Variants in ZNF169 observed in about 807,000 individuals in gnomAD.
ZNF169 encodes zinc finger protein 169.
Under a neutral mutation model 12.0 loss-of-function variants are expected in ZNF169, and 11 were observed. The observed-to-expected ratio is 0.92, with a 90% CI of 0.58 to 1.52. The LOEUF (loss-of-function observed/expected upper bound fraction) is 1.52, where lower values mean the gene tolerates loss of function less well. Ranked by LOEUF, ZNF169 falls within the 40% of genes most tolerant of loss-of-function variation. ZNF169 has a pLI of 0.00. For missense variants in ZNF169, 722 were observed against 744.0 expected (o/e 0.97, Z 0.34); for synonymous variants, 302 against 286.5 (o/e 1.05, Z -0.55).
intron 4 of ZNF169, 73 bp from the exon 5 acceptor site, chr9:94,299,742 A>G: frequency 6.5e-7 from 1 of 1,529,640 alleles, no homozygotes; most frequent in Admixed American, 2.2e-5. Flanking sequence ...GAACATCTGA[A>G]GAAAACTGCT....
chr9:94,289,600 G>A (rs536725760), intron 2 of ZNF169, among the ~76,000 whole-genome samples: 3 of 152,122 alleles, frequency 2.0e-5, no homozygotes, highest in Non-Finnish European at 4.4e-5. Context: ...GACCAGCCTG[G>A]CCAACATGAC....
At chr9:94,276,390 G>A (rs1034433466) in intron 1 of ZNF169, among the ~76,000 whole-genome samples, 4 of 151,662 alleles carry the variant, frequency 2.6e-5, no homozygotes, top group African/African-American at 7.3e-5. Context: ...CTCAGCCTCC[G>A]GAGTAGCTGG....
intron 1 of ZNF169, among the ~76,000 whole-genome samples, chr9:94,272,764 T>C (rs1830445742): frequency 6.6e-6 from 1 of 152,204 alleles, no homozygotes; most frequent in Non-Finnish European, 1.5e-5. Flanking sequence ...GGTAGTTCTA[T>C]TTTTAATTTT....
chr9:94,275,666 C>T (rs907550820), intron 1 of ZNF169, among the ~76,000 whole-genome samples: 1 of 152,048 alleles, frequency 6.6e-6, no homozygotes, highest in African/African-American at 2.4e-5. Context: ...TTTTCATTAT[C>T]TTATCAGTGA....
In ZNF169 at chr9:94,301,507, T is replaced by C; in HGVS notation, c.*137T>C. 1 of 1,424,910 alleles carries C rather than the reference T, an allele frequency of 7.0e-7. No individual in the cohort carries two copies. The highest frequency in any genetic ancestry group is 9.2e-7 in the Non-Finnish European group (1 of 1,084,238). The allele number at this position is 1,424,910 out of a possible 1,614,324, so 88.3% of individuals were successfully genotyped here. A position where few individuals can be genotyped will look rare whatever the true frequency, so the allele number is the denominator to read the frequency against. On this transcript the variant is annotated 3_prime_UTR_variant, in exon 5 of 5. Coordinates refer to ENST00000395395, the MANE Select transcript of ZNF169 (RefSeq NM_194320.4). The stretch of plus-strand genomic sequence containing the variant: ...TAGTTGATTTTTGGTTTACTTTCTA[T>C]ATTCACAATTTGTCTTGGCTTGCTA...
rs201714935 is a variant in ZNF169, at chr9:94,298,582, CA to C, written c.257-1229del. 7.8e-3 allele frequency among the ~76,000 whole-genome samples: 1,191 copies of C among 152,040 alleles called. 18 individuals carry two copies. The highest frequency in any genetic ancestry group is 0.027 in the African/African-American group (1,106 of 41,474). On this transcript the variant is annotated intron_variant, in intron 4 of 4. Transcript: ENST00000395395. ...TGAAACCCGATCTCTACTAAAAATA[CA>C]AAACTTAGCCGGGCATGGTGGTGCA...
chr9:94,268,206 A>G (rs1000506612), intron 1 of ZNF169, among the ~76,000 whole-genome samples: 1 of 152,134 alleles, frequency 6.6e-6, no homozygotes, highest in Non-Finnish European at 1.5e-5. Context: ...GAAACAAGAC[A>G]ATTGTTTATG....
chr9:94,264,016 T>C (rs1488980410), intron 1 of ZNF169, among the ~76,000 whole-genome samples: 6 of 152,234 alleles, frequency 3.9e-5, no homozygotes, highest in Non-Finnish European at 8.8e-5. Context: ...AGGGCTCTTG[T>C]AATTGTATAG....
Position 94,291,047 on chromosome 9 carries a change from C to CTTTTTTTT in ZNF169, c.34-1276_34-1269dup, listed in dbSNP as rs59027045. On this transcript the variant is annotated intron_variant, in intron 2 of 4. Coordinates refer to ENST00000395395, the MANE Select transcript of ZNF169 (RefSeq NM_194320.4). ...TGATTCTGGTCTATGGAACAGTATT[C>CTTTTTTTT]TTTTTTTTTTTTTTTTTTTTTTTTT... 1.1e-3 allele frequency among the ~76,000 whole-genome samples: 66 copies of CTTTTTTTT among 59,598 alleles called. 2 individuals are homozygous for CTTTTTTTT. Among genetic ancestry groups the CTTTTTTTT allele is most frequent in the Admixed American group, 2.7e-3 (10 of 3,766 alleles). 39.1% of individuals were successfully genotyped at this position (59,598 alleles called of 152,430 possible).
intron 1 of ZNF169, among the ~76,000 whole-genome samples, chr9:94,272,830 A>G (rs1213590804): frequency 6.6e-6 from 1 of 152,128 alleles, no homozygotes; most frequent in African/African-American, 2.4e-5. Context: ...CAGTCCCACT[A>G]ACAGTTCATT....
At chr9:94,291,468 C>T (rs1489821336) in intron 2 of ZNF169, among the ~76,000 whole-genome samples, 4 of 151,990 alleles carry the variant, frequency 2.6e-5, no homozygotes, top group Non-Finnish European at 5.9e-5. Context: ...GTTCTAACCA[C>T]AGCAATAAGG....
chr9:94,270,627 A>T (rs1462837911), intron 1 of ZNF169, among the ~76,000 whole-genome samples: 1 of 126,916 alleles, frequency 7.9e-6, no homozygotes, highest in Non-Finnish European at 1.6e-5. Context: ...TAAATTTCAA[A>T]TTTATATAAA....
At chr9:94,292,629 G>GTA in intron 3 of ZNF169, 162 bp downstream of exon 3, 1 of 852,806 alleles carries the variant, frequency 1.2e-6, no homozygotes, top group African/African-American at 1.7e-5. Context: ...GTGTGTGTGT[G>GTA]TGTGTGTGTG....
chr9:94,275,081 TAAA>T (rs1280402772), intron 1 of ZNF169, among the ~76,000 whole-genome samples: 2 of 151,500 alleles, frequency 1.3e-5, no homozygotes, highest in Non-Finnish European at 2.9e-5. Context: ...CTATGAAAAA[TAAA>T]AAAATAGCCA....
At chr9:94,295,122 G>C (rs1011135530) in intron 4 of ZNF169, 1 of 152,212 alleles carries the variant, frequency 6.6e-6, no homozygotes, top group Non-Finnish European at 1.5e-5. Flanking sequence ...GAGGCCAGGA[G>C]TTTGAGACCA....
In ZNF169 at chr9:94,300,513, G is replaced by T; in HGVS notation, c.955G>T (p.Val319Leu). The change falls in exon 5 of 5, where the codon GTA becomes TTA. Residue 319 changes from valine (V) to leucine (L), a missense_variant. Transcript: ENST00000395395. ...GATTCACTCCGGGGAGAGGCCCTTT[G>T]TATGTCAGGAGTGTGGGCGAGGCTT... is the stretch of plus-strand genomic sequence containing the variant. ...KRIHSGERPFVCQECGRGFRQ... is the reference protein window; with the variant it reads ...KRIHSGERPFLCQECGRGFRQ... 6.2e-7 allele frequency: 1 copy of T among 1,614,016 alleles called. No individual in the cohort carries two copies. Among genetic ancestry groups the T allele is most frequent in the Non-Finnish European group, 8.5e-7 (1 of 1,179,988 alleles).
intron 1 of ZNF169, among the ~76,000 whole-genome samples, chr9:94,260,817 T>A (rs1179678519): frequency 1.2e-5 from 1 of 81,190 alleles, no homozygotes; most frequent in Non-Finnish European, 2.2e-5. Context: ...CCTACATTTT[T>A]TTTTTTTTTT....
rs373462897 is a variant in ZNF169, at chr9:94,267,057, C to T, written c.-56+7712C>T. 4.7e-4 allele frequency among the ~76,000 whole-genome samples: 72 copies of T among 152,156 alleles called. No homozygotes were observed. The East Asian group carries it at 0.011, about 22-fold the overall frequency. On this transcript the variant is annotated intron_variant, in intron 1 of 4. Transcript: ENST00000395395. ...CCGAGTAGCTGGGACTACAGGCGAGCGCCACCACGCCCAGCTAACATGTAG... is the reference window on the plus strand; with the variant it reads ...CCGAGTAGCTGGGACTACAGGCGAGTGCCACCACGCCCAGCTAACATGTAG...
intron 2 of ZNF169, among the ~76,000 whole-genome samples, chr9:94,284,494 G>A (rs1778012479): frequency 6.6e-6 from 1 of 152,092 alleles, no homozygotes; most frequent in African/African-American, 2.4e-5. Flanking sequence ...TTTTATAACA[G>A]CAGGAATGGA....
Sources: allele counts gnomAD v4.1 joint callset (sites outside exome capture counted in the v4.1 genomes callset), GRCh38; gene constraint gnomAD v4.1.1; transcripts MANE v1.5; gene names NCBI Gene and HGNC (gene_info 2026-07-23, HGNC 2026-07-21).